Variants in CDH12 observed in about 807,000 individuals in gnomAD.
The protein encoded by CDH12 is cadherin-12.
In CDH12, 41 loss-of-function variants were observed where a neutral mutation model predicts 74.1. The ratio of observed to expected loss-of-function variants is 0.55; its 90% CI spans 0.43 to 0.72. The LOEUF (loss-of-function observed/expected upper bound fraction) is 0.72, where lower values mean the gene tolerates loss of function less well. CDH12 is among the 30% of genes least tolerant of loss of function. CDH12 has a pLI of 0.00. For missense variants in CDH12, 945 were observed against 977.2 expected, an observed-to-expected ratio of 0.97 and a Z score of 0.44; for synonymous variants, 399 against 355.0, an observed-to-expected ratio of 1.12 and a Z score of -1.39.
intron 3 of CDH12, among the ~76,000 whole-genome samples, chr5:22,362,910 A>T (rs1361460951): frequency 1.5e-4 from 19 of 126,242 alleles, no homozygotes; most frequent in Non-Finnish European, 2.1e-4. Context: ...GAAGGGGAAC[A>T]TAACACACTG....
intron 5 of CDH12, among the ~76,000 whole-genome samples, chr5:22,037,302 C>T (rs1029357537): frequency 6.6e-6 from 1 of 152,072 alleles, no homozygotes; most frequent in African/African-American, 2.4e-5. Flanking sequence ...GTCAGAGGGG[C>T]CTGAGCAGAA....
At chr5:21,916,100 A>G (rs1754081208) in intron 6 of CDH12, among the ~76,000 whole-genome samples, 1 of 152,126 alleles carries the variant, frequency 6.6e-6, no homozygotes, top group Non-Finnish European at 1.5e-5. Context: ...ATCTATAAGT[A>G]CCAGGCTTGA....
chr5:22,206,898 G>A (rs180914076), intron 4 of CDH12, among the ~76,000 whole-genome samples: 1 of 151,398 alleles, frequency 6.6e-6, no homozygotes. Context: ...CATTTAGATA[G>A]TTATCTTCAA....
At chr5:22,258,501 T>C (rs1753399274) in intron 3 of CDH12, among the ~76,000 whole-genome samples, 1 of 151,804 alleles carries the variant, frequency 6.6e-6, no homozygotes, top group African/African-American at 2.4e-5. Context: ...AAACCATCTC[T>C]GCATAGAAAC....
chr5:22,147,525 G>T (rs1277103957), intron 4 of CDH12, among the ~76,000 whole-genome samples: 1 of 151,270 alleles, frequency 6.6e-6, no homozygotes, highest in Non-Finnish European at 1.5e-5. Context: ...TTTTTGAAAA[G>T]TATCTGTATT....
intron 3 of CDH12, among the ~76,000 whole-genome samples, chr5:22,381,030 T>C (rs1051832383): frequency 1.3e-5 from 2 of 152,104 alleles, no homozygotes; most frequent in African/African-American, 2.4e-5. Flanking sequence ...TTTTTCTCTC[T>C]GTGATAATAA....
intron 1 of CDH12, among the ~76,000 whole-genome samples, chr5:22,752,111 C>T (rs995447603): frequency 2.0e-5 from 3 of 152,106 alleles, no homozygotes; most frequent in Non-Finnish European, 4.4e-5. Flanking sequence ...TATATTACTC[C>T]AACATCTGCT....
intron 1 of CDH12, among the ~76,000 whole-genome samples, chr5:22,541,196 G>C (rs1738084148): frequency 1.3e-5 from 2 of 152,132 alleles, no homozygotes; most frequent in South Asian, 4.1e-4. Context: ...AGCAGACAAT[G>C]GTGTCAGATA....
chr5:21,916,280 T>C (rs1754089424), intron 6 of CDH12, among the ~76,000 whole-genome samples: 1 of 152,188 alleles, frequency 6.6e-6, no homozygotes, highest in South Asian at 2.1e-4. Context: ...ATTAGTGTTA[T>C]AGTATCTGGT....
chr5:22,101,742 G>A (rs367973228), intron 4 of CDH12, among the ~76,000 whole-genome samples: 17 of 152,250 alleles, frequency 1.1e-4, no homozygotes, highest in East Asian at 5.8e-4. Context: ...TATTTCCAAG[G>A]AAATGTGATA....
chr5:22,336,665 T>C (rs1265423515), intron 3 of CDH12, among the ~76,000 whole-genome samples: 1 of 152,178 alleles, frequency 6.6e-6, no homozygotes, highest in African/African-American at 2.4e-5. Flanking sequence ...AAGTCAAGAA[T>C]TGGGGTTTGG....
intron 4 of CDH12, among the ~76,000 whole-genome samples, chr5:22,207,168 G>A (rs1444080507): frequency 7.0e-6 from 1 of 142,964 alleles, no homozygotes; most frequent in Non-Finnish European, 1.5e-5. Context: ...GCAGTGAGCT[G>A]AGATTGCGCC....
intron 1 of CDH12, among the ~76,000 whole-genome samples, chr5:22,696,992 C>T (rs1295356993): frequency 6.6e-6 from 1 of 152,030 alleles, no homozygotes; most frequent in African/African-American, 2.4e-5. Flanking sequence ...CCGTGTAACC[C>T]AGATTGAAGT....
chr5:22,147,917 T>A (rs1000152796), intron 4 of CDH12, among the ~76,000 whole-genome samples: 12 of 152,206 alleles, frequency 7.9e-5, no homozygotes, highest in African/African-American at 2.9e-4. Context: ...GATATCATAT[T>A]CATCTGGTAG....
At chr5:22,323,007 A>G (rs1194072456) in intron 3 of CDH12, among the ~76,000 whole-genome samples, 1 of 152,206 alleles carries the variant, frequency 6.6e-6, no homozygotes, top group East Asian at 1.9e-4. Flanking sequence ...CTCATTTAAA[A>G]TTGTGAAATG....
intron 3 of CDH12, among the ~76,000 whole-genome samples, chr5:22,236,356 T>C (rs1752558407): frequency 1.3e-5 from 2 of 152,242 alleles, no homozygotes; most frequent in South Asian, 4.1e-4. Context: ...TGTACAAGAA[T>C]ATTTTATGTC....
intron 4 of CDH12, among the ~76,000 whole-genome samples, chr5:22,210,012 A>T (rs1464260449): frequency 6.7e-6 from 1 of 148,406 alleles, no homozygotes; most frequent in Non-Finnish European, 1.5e-5. Flanking sequence ...ATGAGGGCAA[A>T]TAACATCCAT....
At chr5:21,888,771 A>G (rs1752761338) in intron 6 of CDH12, among the ~76,000 whole-genome samples, 1 of 152,018 alleles carries the variant, frequency 6.6e-6, no homozygotes, top group South Asian at 2.1e-4. Context: ...AAATTTAACA[A>G]TATATATTGA....
At chr5:21,907,857 C>T (rs1480528605) in intron 6 of CDH12, among the ~76,000 whole-genome samples, 1 of 152,190 alleles carries the variant, frequency 6.6e-6, no homozygotes, top group African/African-American at 2.4e-5. Context: ...GTCACCTCCT[C>T]ACTGTACCTC....
Sources: allele counts gnomAD v4.1 joint callset (sites outside exome capture counted in the v4.1 genomes callset), GRCh38; gene constraint gnomAD v4.1.1; transcripts MANE v1.5; gene names NCBI Gene and HGNC (gene_info 2026-07-23, HGNC 2026-07-21).